PDSS2: variants seen among roughly 807,000 people sequenced by gnomAD.
PDSS2 encodes all trans-polyprenyl-diphosphate synthase PDSS2.
A neutral mutation model predicts 44.5 loss-of-function variants in PDSS2; 31 were observed. That is an observed-to-expected ratio of 0.70 (90% CI 0.52 to 0.94). The LOEUF is 0.94. Among genes scored for constraint, PDSS2 ranks in the 40% least tolerant of loss-of-function variants. The pLI, the probability that PDSS2 is intolerant of heterozygous loss-of-function variation, is 0.00. For missense variants in PDSS2, 452 were observed against 482.2 expected (o/e 0.94, Z 0.59); for synonymous variants, 157 against 180.3 (o/e 0.87, Z 1.03).
At chr6:107,405,294 C>T (rs1291143561) in intron 1 of PDSS2, among the ~76,000 whole-genome samples, 6 of 151,906 alleles carry the variant, frequency 3.9e-5, no homozygotes, top group Admixed American at 3.9e-4. Context: ...GAGTCCTAAA[C>T]ATGGAAACGA....
intron 2 of PDSS2, among the ~76,000 whole-genome samples, chr6:107,331,245 C>G (rs1777700939): frequency 6.6e-6 from 1 of 152,124 alleles, no homozygotes; most frequent in Non-Finnish European, 1.5e-5. Context: ...TTAATGGTTT[C>G]TCATAGCACT....
intron 1 of PDSS2, among the ~76,000 whole-genome samples, chr6:107,425,909 C>T (rs898930373): frequency 1.3e-5 from 2 of 150,458 alleles, no homozygotes; most frequent in South Asian, 2.1e-4. Context: ...TGCAGTGAGC[C>T]GAGATTGCGC....
At chr6:107,280,731 T>G (rs1274003135) in intron 2 of PDSS2, among the ~76,000 whole-genome samples, 1 of 152,206 alleles carries the variant, frequency 6.6e-6, no homozygotes, top group Non-Finnish European at 1.5e-5. Flanking sequence ...TTATAATAAC[T>G]TGAAATCTCT....
At chr6:107,237,098 T>G (rs984437756) in intron 4 of PDSS2, among the ~76,000 whole-genome samples, 2 of 152,020 alleles carry the variant, frequency 1.3e-5, no homozygotes, top group Admixed American at 1.3e-4. Flanking sequence ...CATGTCTGGT[T>G]AATGTTTTAA....
At chr6:107,356,134 C>A (rs1270799094) in intron 1 of PDSS2, among the ~76,000 whole-genome samples, 1 of 152,200 alleles carries the variant, frequency 6.6e-6, no homozygotes, top group East Asian at 1.9e-4. Flanking sequence ...AAAACTTTCC[C>A]CATGAACTAT....
chr6:107,282,299 CAG>C (rs1775988560), intron 2 of PDSS2, among the ~76,000 whole-genome samples: 1 of 152,192 alleles, frequency 6.6e-6, no homozygotes, highest in Non-Finnish European at 1.5e-5. Context: ...TTTATAGAAT[CAG>C]AGTTGGAAGT....
At chr6:107,407,845 G>A (rs1425972837) in intron 1 of PDSS2, among the ~76,000 whole-genome samples, 1 of 151,732 alleles carries the variant, frequency 6.6e-6, no homozygotes, top group African/African-American at 2.4e-5. Flanking sequence ...GATTACAGGT[G>A]CCTGCCACCA....
At chr6:107,336,875 TGTGTG>T (rs1777916231) in intron 1 of PDSS2, among the ~76,000 whole-genome samples, 1 of 78,646 alleles carries the variant, frequency 1.3e-5, no homozygotes, top group Admixed American at 1.5e-4. Context: ...TGTGTGTGTG[TGTGTG>T]TTCGGGGCTG....
intron 3 of PDSS2, chr6:107,264,252 C>A: frequency 7.7e-7 from 1 of 1,303,908 alleles, no homozygotes; most frequent in Non-Finnish European, 9.9e-7. Context: ...ATAAATTGAG[C>A]ATATTTGTAC....
In PDSS2 at chr6:107,251,203, T is replaced by A. The variant is rs376461557; in HGVS notation, c.631-5584A>T. On this transcript the variant is annotated intron_variant, in intron 3 of 7. Transcript: ENST00000369037. ...TAAACTATAAGGTAACATGGCTCAATTAAAGCTCAAGTCAGCATAATATGA... is the reference window on the plus strand; with the variant it reads ...TAAACTATAAGGTAACATGGCTCAAATAAAGCTCAAGTCAGCATAATATGA... Among the ~76,000 whole-genome samples the A allele has an allele frequency of 3.9e-5, 6 of 152,338 alleles. No homozygotes were observed. The East Asian group carries it at 7.7e-4, about 20-fold the overall frequency.
intron 7 of PDSS2, among the ~76,000 whole-genome samples, chr6:107,193,025 C>T (rs1243081042): frequency 1.3e-5 from 2 of 152,172 alleles, no homozygotes; most frequent in Non-Finnish European, 2.9e-5. Flanking sequence ...TTGCATAAAT[C>T]AGATGGTTGA....
chr6:107,431,784 C>G (rs541765253), intron 1 of PDSS2, among the ~76,000 whole-genome samples: 2 of 152,226 alleles, frequency 1.3e-5, no homozygotes, highest in Non-Finnish European at 2.9e-5. Flanking sequence ...AACAGTTAAT[C>G]TAAACATTTT....
At chr6:107,330,018 G>C (rs1480700023) in intron 2 of PDSS2, among the ~76,000 whole-genome samples, 1 of 146,798 alleles carries the variant, frequency 6.8e-6, no homozygotes, top group African/African-American at 2.5e-5. Flanking sequence ...AAAAAAAAAA[G>C]GAAAAAGGTA....
At chr6:107,342,323 T>C (rs1212629879) in intron 1 of PDSS2, among the ~76,000 whole-genome samples, 4 of 152,330 alleles carry the variant, frequency 2.6e-5, no homozygotes, top group African/African-American at 9.6e-5. Flanking sequence ...CTGTTATCAA[T>C]TTGCCACATC....
intron 3 of PDSS2, among the ~76,000 whole-genome samples, chr6:107,254,489 A>G (rs1774939021): frequency 6.6e-6 from 1 of 152,218 alleles, no homozygotes; most frequent in Non-Finnish European, 1.5e-5. Context: ...CTTGGTCATG[A>G]AACAAACAAG....
At chr6:107,405,458 C>T (rs899350832) in intron 1 of PDSS2, among the ~76,000 whole-genome samples, 1 of 151,738 alleles carries the variant, frequency 6.6e-6, no homozygotes, top group Non-Finnish European at 1.5e-5. Flanking sequence ...AACAAAGGAT[C>T]TACAAAGCAA....
chr6:107,269,856 G>A lies in PDSS2; in HGVS notation c.630+4173C>T, dbSNP rs182732422. ...TAATTTTTGTATTTTCAGTAGAGACGGGGTTTCACTATGTTTGCCAGGCTG... is the reference window on the plus strand; with the variant it reads ...TAATTTTTGTATTTTCAGTAGAGACAGGGTTTCACTATGTTTGCCAGGCTG... On this transcript the variant is annotated intron_variant, in intron 3 of 7. Coordinates refer to ENST00000369037, the MANE Select transcript of PDSS2 (RefSeq NM_020381.4). 9.5e-4 allele frequency among the ~76,000 whole-genome samples: 144 copies of A among 152,012 alleles called. 1 individual carries two copies. Among genetic ancestry groups the A allele is most frequent in the African/African-American group, 3.3e-3 (135 of 41,454 alleles).
chr6:107,211,371 T>C (rs960852918), intron 5 of PDSS2, among the ~76,000 whole-genome samples: 1 of 152,098 alleles, frequency 6.6e-6, no homozygotes, highest in Admixed American at 6.6e-5. Context: ...TTATTAAAAT[T>C]AAAGCTTTCA....
intron 7 of PDSS2, among the ~76,000 whole-genome samples, chr6:107,169,329 C>T (rs1771477526): frequency 1.3e-5 from 2 of 152,120 alleles, no homozygotes; most frequent in South Asian, 4.2e-4. Context: ...TCAGCTCCAT[C>T]AGGTCATTTA....
Sources: gnomAD v4.1 joint callset for allele counts (sites outside exome capture counted in the v4.1 genomes callset) on GRCh38, gnomAD v4.1.1 for gene constraint, MANE v1.5 for transcripts, NCBI Gene and HGNC (gene_info 2026-07-23, HGNC 2026-07-21) for gene names.